Variants in FHIT observed in about 807,000 individuals in gnomAD.
FHIT encodes bis(5'-adenosyl)-triphosphatase.
A neutral mutation model predicts 17.9 loss-of-function variants in FHIT; 19 were observed. The observed-to-expected ratio is 1.06, with a 90% CI of 0.74 to 1.56. FHIT has a LOEUF of 1.56. FHIT is among the 40% of genes most tolerant of loss of function. The probability of loss-of-function intolerance (pLI) is 0.00; values close to 1 mark genes in which losing one functional copy is unlikely to be tolerated. For synonymous variants in FHIT, 81 were observed against 69.7 expected (o/e 1.16, Z -0.81); for missense variants, 248 against 189.2 (o/e 1.31, Z -1.82).
chr3:60,866,368 C>T (rs1433764375), intron 3 of FHIT, among the ~76,000 whole-genome samples: 1 of 152,156 alleles, frequency 6.6e-6, no homozygotes, highest in African/African-American at 2.4e-5. Flanking sequence ...AGCTTTCCCC[C>T]TTTTCTCTCT....
chr3:61,223,007 A>G (rs986091305), intron 1 of FHIT, among the ~76,000 whole-genome samples: 1 of 152,222 alleles, frequency 6.6e-6, no homozygotes, highest in African/African-American at 2.4e-5. Flanking sequence ...GACAGATACA[A>G]TGAAAATTGT....
At chr3:60,898,722 T>C (rs1022026450) in intron 3 of FHIT, among the ~76,000 whole-genome samples, 1 of 152,188 alleles carries the variant, frequency 6.6e-6, no homozygotes, top group African/African-American at 2.4e-5. Flanking sequence ...AGCTCAGTCT[T>C]TACGATGTTA....
intron 5 of FHIT, among the ~76,000 whole-genome samples, chr3:60,468,654 GGTT>G (rs2032925960): frequency 1.3e-5 from 2 of 151,772 alleles, no homozygotes; most frequent in South Asian, 4.2e-4. Context: ...GAAAAGTTGT[GGTT>G]ATTATTTTTG....
chr3:60,335,071 C>T (rs988679710), intron 5 of FHIT, among the ~76,000 whole-genome samples: 2 of 152,058 alleles, frequency 1.3e-5, no homozygotes, highest in Non-Finnish European at 2.9e-5. Context: ...GACCAAATTA[C>T]TAGTTGAAGT....
At chr3:60,646,305 A>G (rs2107799346) in intron 4 of FHIT, among the ~76,000 whole-genome samples, 1 of 152,248 alleles carries the variant, frequency 6.6e-6, no homozygotes, top group South Asian at 2.1e-4. Flanking sequence ...TTACGCACAC[A>G]TTTTTTAATA....
chr3:60,344,614 A>G (rs149114325), intron 5 of FHIT, among the ~76,000 whole-genome samples: 2 of 152,320 alleles, frequency 1.3e-5, no homozygotes, highest in African/African-American at 4.8e-5. Flanking sequence ...GAGAAACTAC[A>G]TAAATAGCTA....
chr3:60,405,228 C>A (rs1701808313), intron 5 of FHIT, among the ~76,000 whole-genome samples: 1 of 152,204 alleles, frequency 6.6e-6, no homozygotes, highest in Non-Finnish European at 1.5e-5. Context: ...ACTGAACCCA[C>A]CCTTCACCTA....
intron 8 of FHIT, among the ~76,000 whole-genome samples, chr3:59,774,538 A>G (rs373704202): frequency 5.3e-5 from 8 of 152,354 alleles, no homozygotes; most frequent in African/African-American, 1.9e-4. Context: ...ATGAGTTGAT[A>G]TATGTGAACT....
intron 7 of FHIT, among the ~76,000 whole-genome samples, chr3:59,925,405 A>T (rs1230029277): frequency 6.6e-6 from 1 of 152,088 alleles, no homozygotes; most frequent in Admixed American, 6.6e-5. Context: ...TATGTCCAGT[A>T]TGTGGAGACA....
At chr3:60,876,462 A>G (rs116300151) in intron 3 of FHIT, among the ~76,000 whole-genome samples, 2,473 of 152,330 alleles carry the variant, frequency 0.016, 80 homozygotes, top group African/African-American at 0.057. Flanking sequence ...TATTTGATTC[A>G]AAACATGGCT....
chr3:61,042,919 G>A (rs762191798), intron 2 of FHIT, among the ~76,000 whole-genome samples: 1 of 152,016 alleles, frequency 6.6e-6, no homozygotes, highest in Non-Finnish European at 1.5e-5. Context: ...GGGAATATCT[G>A]AGCATCAAAA....
chr3:59,855,028 T>C (rs982314172), intron 8 of FHIT, among the ~76,000 whole-genome samples: 1 of 152,210 alleles, frequency 6.6e-6, no homozygotes, highest in Non-Finnish European at 1.5e-5. Context: ...GTGATCACAA[T>C]TGTGGCCTCT....
intron 8 of FHIT, among the ~76,000 whole-genome samples, chr3:59,823,618 G>T (rs1278081428): frequency 6.6e-6 from 1 of 152,068 alleles, no homozygotes; most frequent in Non-Finnish European, 1.5e-5. Flanking sequence ...CTCAAAAGAT[G>T]CAGACAAAGC....
chr3:59,873,102 G>T (rs1317128746), intron 8 of FHIT, among the ~76,000 whole-genome samples: 1 of 152,082 alleles, frequency 6.6e-6, no homozygotes, highest in Non-Finnish European at 1.5e-5. Flanking sequence ...ACTTTGAGTT[G>T]GCACTTGCTT....
intron 3 of FHIT, among the ~76,000 whole-genome samples, chr3:60,932,865 C>A (rs1575713989): frequency 6.6e-6 from 1 of 152,258 alleles, no homozygotes; most frequent in Admixed American, 6.5e-5. Context: ...TTCATCTACC[C>A]ACAACCAACC....
Position 59,931,648 on chromosome 3 carries a change from G to A in FHIT, c.280-9234C>T, listed in dbSNP as rs184437392. Among the ~76,000 whole-genome samples the A allele has an allele frequency of 4.6e-5, 7 of 151,720 alleles. No homozygotes were observed. In the East Asian group the frequency reaches 9.7e-4, roughly 21 times the overall value. On this transcript the variant is annotated intron_variant, in intron 7 of 9. Transcript: ENST00000492590. ...TGTCCCAATCAAGTTGGGAAACTTC[G>A]AGGAAAAAAATAAAATAAAAAAAAA...
intron 4 of FHIT, among the ~76,000 whole-genome samples, chr3:60,766,094 T>C (rs1359380952): frequency 6.6e-6 from 1 of 152,172 alleles, no homozygotes; most frequent in Non-Finnish European, 1.5e-5. Flanking sequence ...CTTTGCCTTG[T>C]AATGGTGTGA....
chr3:60,280,657 C>T (rs1707386196), intron 5 of FHIT, among the ~76,000 whole-genome samples: 1 of 152,072 alleles, frequency 6.6e-6, no homozygotes, highest in Admixed American at 6.6e-5. Context: ...GGGAGTACGG[C>T]CCTGCTGACA....
intron 5 of FHIT, among the ~76,000 whole-genome samples, chr3:60,075,113 G>A (rs2107000953): frequency 6.6e-6 from 1 of 152,208 alleles, no homozygotes; most frequent in East Asian, 1.9e-4. Flanking sequence ...AAGTTCCTAT[G>A]ACCAGAAACT....
Sources: allele counts gnomAD v4.1 joint callset (sites outside exome capture counted in the v4.1 genomes callset), GRCh38; gene constraint gnomAD v4.1.1; transcripts MANE v1.5; gene names NCBI Gene and HGNC (gene_info 2026-07-23, HGNC 2026-07-21).